The following COL4A4 variants were observed in gnomAD, a reference collection of about 807,000 sequenced individuals.
COL4A4 encodes the protein collagen alpha-4(IV) chain.
A neutral mutation model predicts 192.9 loss-of-function variants in COL4A4; 105 were observed. The observed-to-expected ratio is 0.54, with a 90% CI of 0.46 to 0.64. The LOEUF (loss-of-function observed/expected upper bound fraction) is 0.64. Among genes scored for constraint, COL4A4 ranks in the 30% least tolerant of loss-of-function variants. COL4A4 has a pLI of 0.00. For missense variants in COL4A4, 1,967 were observed against 2,169.3 expected (o/e 0.91, Z 1.85); for synonymous variants, 762 against 769.9 (o/e 0.99, Z 0.17).
At chr2:227,059,346 T>C in intron 28 of COL4A4, 59 bp downstream of exon 28, 2 of 1,367,006 alleles carry the variant, frequency 1.5e-6, no homozygotes, top group South Asian at 1.2e-5. Flanking sequence ...CGTTCTTCAG[T>C]GACCTGTTCC....
chr2:227,146,120 G>A (rs1282794128), intron 2 of COL4A4, among the ~76,000 whole-genome samples: 1 of 152,186 alleles, frequency 6.6e-6, no homozygotes, highest in African/African-American at 2.4e-5. Flanking sequence ...TTATAGAAGA[G>A]CAAACAGACT....
chr2:227,070,991 T>G (rs1333032248), intron 25 of COL4A4, among the ~76,000 whole-genome samples: 1 of 151,998 alleles, frequency 6.6e-6, no homozygotes, highest in Admixed American at 6.6e-5. Flanking sequence ...CGGCCTATAA[T>G]ACAATAACAC....
intron 17 of COL4A4, among the ~76,000 whole-genome samples, chr2:227,100,781 TG>T (rs60582196): frequency 0.088 from 13,181 of 150,602 alleles, 869 homozygotes; most frequent in East Asian, 0.24. Flanking sequence ...GATTGAATTA[TG>T]GGGGGTGGGT....
At chr2:227,002,667 C>T (rs1961274630), downstream of COL4A4, 1 of 152,572 alleles carries the variant, frequency 6.6e-6, no homozygotes, top group Admixed American at 6.6e-5. Context: ...AAAAGTAAAC[C>T]CGCATTGGCT....
intron 32 of COL4A4, 83 bp downstream of exon 32, chr2:227,052,222 G>A: frequency 1.2e-6 from 1 of 855,818 alleles, no homozygotes; most frequent in East Asian, 2.5e-5. Context: ...TAATCTCAGT[G>A]TTATTGGGGA....
At chr2:227,029,444 G>A (rs1967782890) in intron 41 of COL4A4, among the ~76,000 whole-genome samples, 1 of 152,190 alleles carries the variant, frequency 6.6e-6, no homozygotes, top group African/African-American at 2.4e-5. Flanking sequence ...GCTCCATACT[G>A]TTCTACAGGC....
chr2:227,095,994 C>G (rs1403221276), intron 19 of COL4A4, among the ~76,000 whole-genome samples: 2 of 152,172 alleles, frequency 1.3e-5, no homozygotes, highest in Non-Finnish European at 2.9e-5. Context: ...GCTCCAGATC[C>G]TCTCTGTGGA....
chr2:227,102,467 A>G (rs961915010), intron 15 of COL4A4, among the ~76,000 whole-genome samples: 1 of 152,056 alleles, frequency 6.6e-6, no homozygotes, highest in Admixed American at 6.6e-5. Flanking sequence ...CCCCTATATC[A>G]CCATGTTGTT....
chr2:227,156,491 G>GA (rs397973979), intron 1 of COL4A4, among the ~76,000 whole-genome samples: 14,556 of 146,582 alleles, frequency 0.099, 1,806 homozygotes, highest in African/African-American at 0.29. Flanking sequence ...TCGGGAAATG[G>GA]AAAAAAAAAA....
chr2:227,007,317 C>T lies in COL4A4; in HGVS notation c.*8G>A, dbSNP rs1361695503. The T allele has an allele frequency of 8.7e-6, 14 of 1,614,086 alleles. No homozygotes were observed. The highest frequency in any genetic ancestry group is 8.3e-5 in the Admixed American group (5 of 60,010). ...CTCTTGGCCACGTGTTGGTGAATTT[C>T]GCATTCTCTAGCTATACTTCACGCA... On this transcript the variant is annotated 3_prime_UTR_variant, in exon 48 of 48. Transcript: ENST00000396625.
At chr2:227,117,172 G>A (rs2061532739) in intron 7 of COL4A4, among the ~76,000 whole-genome samples, 1 of 152,180 alleles carries the variant, frequency 6.6e-6, no homozygotes, top group South Asian at 2.1e-4. Flanking sequence ...AAAGTGAGGG[G>A]TGTCTGTATA....
At chr2:227,014,681 T>C (rs1964497183) in intron 44 of COL4A4, among the ~76,000 whole-genome samples, 1 of 152,116 alleles carries the variant, frequency 6.6e-6, no homozygotes, top group Admixed American at 6.6e-5. Flanking sequence ...TGTCATCTAC[T>C]TCCAGAATCT....
chr2:227,124,372 T>C (rs528215356), intron 4 of COL4A4, among the ~76,000 whole-genome samples: 23 of 152,354 alleles, frequency 1.5e-4, no homozygotes, highest in African/African-American at 5.5e-4. Flanking sequence ...GCAGAAGTGA[T>C]TTTATAATAA....
chr2:227,096,830 G>A (rs547301072), intron 19 of COL4A4, among the ~76,000 whole-genome samples: 3 of 152,268 alleles, frequency 2.0e-5, no homozygotes, highest in African/African-American at 4.8e-5. Context: ...AAATGCTAAG[G>A]TGGGATTTGA....
In COL4A4 at chr2:227,144,612, C is replaced by A; in HGVS notation, c.72-54G>T. 9 of 1,406,168 alleles carry A rather than the reference C, an allele frequency of 6.4e-6. No individual in the cohort carries two copies. In the Admixed American group the frequency reaches 6.9e-5, roughly 11 times the overall value. 87.1% of individuals were successfully genotyped at this position (1,406,168 alleles called of 1,614,324 possible). On this transcript the variant is annotated intron_variant, in intron 2 of 47. Transcript: ENST00000396625. The stretch of plus-strand genomic sequence containing the variant: ...TTAAACAGTTTCTTTTCATGTGAAA[C>A]AAAAAGAAAAAGAGTAAAGGAATTA...
chr2:227,062,388 T>C (rs1450373155), intron 26 of COL4A4, 142 bp downstream of exon 26: 2 of 680,568 alleles, frequency 2.9e-6, no homozygotes, highest in Non-Finnish European at 5.3e-6. Context: ...CTACAAATGC[T>C]GTTTTCCCCT....
chr2:227,009,245 G>A (rs911259899), intron 46 of COL4A4, among the ~76,000 whole-genome samples: 1 of 152,206 alleles, frequency 6.6e-6, no homozygotes, highest in African/African-American at 2.4e-5. Context: ...TCACTGCCTA[G>A]TGAGAGCAAT....
rs767457222 is a variant in COL4A4 at position 227,010,412 on chromosome 2, C to A, written c.4423G>T (p.Asp1475Tyr). ...GFLLVLHSQTDQEPTCPLGMP... is the reference protein window; with the variant it reads ...GFLLVLHSQTYQEPTCPLGMP... ...CCCAGGGGGCAGGTGGGCTCCTGGTCCGTCTGACTGTGGAGAACCAGGAGG... is the reference window on the plus strand; with the variant it reads ...CCCAGGGGGCAGGTGGGCTCCTGGTACGTCTGACTGTGGAGAACCAGGAGG... The change falls in exon 46 of 48, where the codon GAC becomes TAC. Residue 1475 changes from aspartate to tyrosine, a missense_variant. Asp to Tyr is a radical substitution (Grantham distance 160). Transcript: ENST00000396625. The A allele has an allele frequency of 2.5e-6, 4 of 1,614,206 alleles. No homozygotes were observed. The East Asian group carries it at 8.9e-5, about 36-fold the overall frequency.
chr2:227,065,105 C>G (rs1300874592), intron 25 of COL4A4, among the ~76,000 whole-genome samples: 1 of 152,206 alleles, frequency 6.6e-6, no homozygotes, highest in Non-Finnish European at 1.5e-5. Flanking sequence ...GTTCCCTTTC[C>G]TAGTCAAAGA....
Sources: gnomAD v4.1 joint callset for allele counts (sites outside exome capture counted in the v4.1 genomes callset) on GRCh38, gnomAD v4.1.1 for gene constraint, MANE v1.5 for transcripts, NCBI Gene and HGNC (gene_info 2026-07-23, HGNC 2026-07-21) for gene names.